PIK3AP1: variants seen among roughly 807,000 people sequenced by gnomAD.
PIK3AP1 encodes the protein phosphoinositide 3-kinase adapter protein 1.
Under a neutral mutation model 88.1 loss-of-function variants are expected in PIK3AP1, and 21 were observed. That is an observed-to-expected ratio of 0.24 (90% CI 0.17 to 0.34). The LOEUF is 0.34. Among genes scored for constraint, PIK3AP1 ranks in the 10% least tolerant of loss-of-function variants. The probability of loss-of-function intolerance (pLI) is 1.00; values close to 1 mark genes in which losing one functional copy is unlikely to be tolerated. For synonymous variants in PIK3AP1, 398 were observed against 400.0 expected, an observed-to-expected ratio of 1.00 and a Z score of 0.06; for missense variants, 828 against 1,035.7, an observed-to-expected ratio of 0.80 and a Z score of 2.75.
intron 6 of PIK3AP1, among the ~76,000 whole-genome samples, chr10:96,650,412 C>T (rs1843520961): frequency 6.6e-6 from 1 of 152,160 alleles, no homozygotes; most frequent in South Asian, 2.1e-4. Flanking sequence ...CATCCCCGTG[C>T]AAGGGGTGTG....
At chr10:96,641,594 G>C (rs1367428874) in intron 8 of PIK3AP1, among the ~76,000 whole-genome samples, 1 of 152,204 alleles carries the variant, frequency 6.6e-6, no homozygotes, top group African/African-American at 2.4e-5. Context: ...TCTCAGGGCT[G>C]ACAAATGCAG....
intron 2 of PIK3AP1, among the ~76,000 whole-genome samples, chr10:96,708,069 T>C (rs1844387764): frequency 6.6e-6 from 1 of 152,118 alleles, no homozygotes. Context: ...CACTGAAAAT[T>C]AGTAAATTCT....
chr10:96,628,871 T>TATACACAC (rs1564961120), intron 8 of PIK3AP1, among the ~76,000 whole-genome samples: 4 of 43,666 alleles, frequency 9.2e-5, no homozygotes, highest in Non-Finnish European at 1.5e-4. Flanking sequence ...CACACATATA[T>TATACACAC]ACACATATAT....
intron 8 of PIK3AP1, among the ~76,000 whole-genome samples, chr10:96,644,278 A>G (rs1843430045): frequency 6.6e-6 from 1 of 152,242 alleles, no homozygotes; most frequent in African/African-American, 2.4e-5. Context: ...TGACTTTCAA[A>G]TATTTCCCTA....
intron 13 of PIK3AP1, among the ~76,000 whole-genome samples, chr10:96,613,543 G>A (rs72818903): frequency 3.9e-5 from 6 of 152,068 alleles, no homozygotes; most frequent in Admixed American, 6.5e-5. Context: ...CCCCTCTCCC[G>A]AAAATATCCT....
chr10:96,710,085 C>T, intron 1 of PIK3AP1, 102 bp from the exon 2 acceptor site: 1 of 1,207,822 alleles, frequency 8.3e-7, no homozygotes, highest in Non-Finnish European at 1.1e-6. Flanking sequence ...GGTCTGGCAC[C>T]CACAATCTTT....
Position 96,593,845 on chromosome 10 carries a change from G to C in PIK3AP1, c.*1732C>G, listed in dbSNP as rs1848712679. ...TTCCAGAAGCTGTTTCTGACAAGAA[G>C]TCCTTGTTTCAGTACTCTTCAGTAT... On this transcript the variant is annotated 3_prime_UTR_variant, in exon 17 of 17. Coordinates refer to ENST00000339364, the MANE Select transcript of PIK3AP1 (RefSeq NM_152309.3). The C allele has an allele frequency of 6.6e-6, 1 of 152,174 alleles. No homozygotes were observed. The highest frequency in any genetic ancestry group is 6.5e-5 in the Admixed American group (1 of 15,286). 9.4% of individuals were successfully genotyped at this position (152,174 alleles called of 1,614,324 possible). A position where few individuals can be genotyped will look rare whatever the true frequency, so the allele number is the denominator to read the frequency against.
At chr10:96,712,884 G>A (rs1273760094) in intron 1 of PIK3AP1, among the ~76,000 whole-genome samples, 3 of 152,220 alleles carry the variant, frequency 2.0e-5, no homozygotes, top group African/African-American at 4.8e-5. Flanking sequence ...ATACATATGC[G>A]TATCATGTCA....
chr10:96,700,869 C>T, intron 2 of PIK3AP1: 1 of 985,652 alleles, frequency 1.0e-6, no homozygotes, highest in Non-Finnish European at 1.2e-6. Flanking sequence ...GTCTGACTCC[C>T]TTCTCTTCTC....
Position 96,679,144 on chromosome 10 carries a change from A to AT in PIK3AP1, c.431-22211dup, listed in dbSNP as rs539145753. 1.0e-3 allele frequency among the ~76,000 whole-genome samples: 153 copies of AT among 152,006 alleles called. 1 individual carries two copies. The highest frequency in any genetic ancestry group is 7.2e-3 in the East Asian group (37 of 5,172). ...CATTTAGTGCAAATTACACTCAAGG[A>AT]TTTTTTTTTATCATGGTCAACCTCT... On this transcript the variant is annotated intron_variant, in intron 2 of 16. Transcript: ENST00000339364.
intron 10 of PIK3AP1, among the ~76,000 whole-genome samples, chr10:96,625,313 G>A (rs1047647582): frequency 6.6e-6 from 1 of 152,160 alleles, no homozygotes; most frequent in African/African-American, 2.4e-5. Context: ...GCAAGACACA[G>A]ATGCTGACAG....
chr10:96,629,930 A>AAAGAAGAAGAAGAAG (rs61662185), intron 8 of PIK3AP1, among the ~76,000 whole-genome samples: 20 of 13,724 alleles, frequency 1.5e-3, no homozygotes, highest in African/African-American at 3.5e-3. Context: ...AAAAAAAAAA[A>AAAGAAGAAGAAGAAG]AAGAAGAAGA....
intron 8 of PIK3AP1, among the ~76,000 whole-genome samples, chr10:96,638,479 C>G (rs201519912): frequency 2.5e-5 from 2 of 81,614 alleles, no homozygotes; most frequent in Admixed American, 1.5e-4. Flanking sequence ...CAGACACACA[C>G]ACACACACAC....
At chr10:96,622,134 G>A (rs557678367) in intron 11 of PIK3AP1, among the ~76,000 whole-genome samples, 9 of 152,342 alleles carry the variant, frequency 5.9e-5, no homozygotes, top group Non-Finnish European at 1.5e-5. Flanking sequence ...CAGGAGACTG[G>A]AACATCAGTG....
rs1242808376 is a variant in PIK3AP1 at position 96,626,790 on chromosome 10, C to A, written c.1587G>T (p.Arg529Ser). The change falls in exon 10 of 17, where the codon AGG becomes AGT. Residue 529 changes from arginine to serine, a missense_variant. By Grantham distance (110) the Arg-to-Ser change is moderately radical (BLOSUM62 -1). Around this residue, in one of 3 missense-constraint regions of PIK3AP1, gnomAD observed 610 missense variants for 760.1 expected, o/e 0.80. Coordinates refer to ENST00000339364, the MANE Select transcript of PIK3AP1 (RefSeq NM_152309.3). ...CTGGTCTGGGCACTGGGACAGGGGG[C>A]CTGCTGGCCAGGTCCACAGAAAAGG... ...DEAFSVDLASRPPVPVPRPET... is the reference protein window; with the variant it reads ...DEAFSVDLASSPPVPVPRPET... 6.2e-7 allele frequency: 1 copy of A among 1,614,232 alleles called. No homozygotes were observed. Among genetic ancestry groups the A allele is most frequent in the Non-Finnish European group, 8.5e-7 (1 of 1,180,024 alleles).
At chr10:96,665,217 G>T (rs1214044892) in intron 2 of PIK3AP1, among the ~76,000 whole-genome samples, 1 of 152,174 alleles carries the variant, frequency 6.6e-6, no homozygotes, top group Middle Eastern at 3.2e-3. Flanking sequence ...GATTGAAAAA[G>T]ACTTTCTGTG....
At chr10:96,709,225 C>T (rs1303977597) in intron 2 of PIK3AP1, among the ~76,000 whole-genome samples, 2 of 151,474 alleles carry the variant, frequency 1.3e-5, no homozygotes, top group African/African-American at 4.9e-5. Context: ...AGTGGGCAGT[C>T]TTGTTCCTCA....
intron 2 of PIK3AP1, among the ~76,000 whole-genome samples, chr10:96,657,798 G>T (rs1165209737): frequency 6.6e-6 from 1 of 152,052 alleles, no homozygotes; most frequent in Non-Finnish European, 1.5e-5. Flanking sequence ...GGCTGGGCGT[G>T]GTGGCCTATA....
intron 2 of PIK3AP1, among the ~76,000 whole-genome samples, chr10:96,691,234 C>T (rs1195415275): frequency 6.6e-6 from 1 of 152,202 alleles, no homozygotes; most frequent in African/African-American, 2.4e-5. Context: ...TCCCCACTCT[C>T]CCCACCTCCC....
Sources: gnomAD v4.1 joint callset for allele counts (sites outside exome capture counted in the v4.1 genomes callset) on GRCh38, gnomAD v4.1.1 for gene constraint, gnomAD v4.1.1 regional missense constraint, MANE v1.5 for transcripts, NCBI Gene and HGNC (gene_info 2026-07-23, HGNC 2026-07-21) for gene names.